The following PTPRK variants were observed in gnomAD, a reference collection of about 807,000 sequenced individuals.
PTPRK encodes receptor-type tyrosine-protein phosphatase kappa.
In PTPRK, 75 loss-of-function variants were observed where a neutral mutation model predicts 178.0. That is an observed-to-expected ratio of 0.42 (90% CI 0.35 to 0.51). The LOEUF (loss-of-function observed/expected upper bound fraction) is 0.51. PTPRK is among the 20% of genes least tolerant of loss of function. The pLI, the probability that PTPRK is intolerant of heterozygous loss-of-function variation, is 0.02. For synonymous variants in PTPRK, 637 were observed against 620.6 expected, an observed-to-expected ratio of 1.03 and a Z score of -0.39; for missense variants, 1,441 against 1,797.8, an observed-to-expected ratio of 0.80 and a Z score of 3.59.
intron 3 of PTPRK, among the ~76,000 whole-genome samples, chr6:128,273,621 C>T (rs1171707971): frequency 6.6e-6 from 1 of 152,142 alleles, no homozygotes; most frequent in African/African-American, 2.4e-5. Flanking sequence ...GCTACAATCA[C>T]CTCAAGATTG....
chr6:128,194,843 T>G (rs1804576411), intron 6 of PTPRK, among the ~76,000 whole-genome samples: 1 of 152,208 alleles, frequency 6.6e-6, no homozygotes, highest in Admixed American at 6.5e-5. Context: ...CTGGCTATTA[T>G]TCCATTCTAG....
At chr6:128,450,853 C>A (rs888177393) in intron 1 of PTPRK, among the ~76,000 whole-genome samples, 1 of 152,126 alleles carries the variant, frequency 6.6e-6, no homozygotes, top group African/African-American at 2.4e-5. Flanking sequence ...ATTTCTGTTG[C>A]ATATCAAAAT....
chr6:128,132,782 G>A (rs1273683905), intron 7 of PTPRK, among the ~76,000 whole-genome samples: 1 of 152,096 alleles, frequency 6.6e-6, no homozygotes, highest in Non-Finnish European at 1.5e-5. Context: ...TAGATAAAAC[G>A]GCAAAAACTA....
intron 1 of PTPRK, among the ~76,000 whole-genome samples, chr6:128,464,636 C>CATATATATATATATATAT (rs1332123195): frequency 2.5e-5 from 1 of 40,740 alleles, no homozygotes; most frequent in Non-Finnish European, 5.6e-5. Flanking sequence ...TATATATATA[C>CATATATATATATATATAT]ACATATATAT....
At chr6:128,174,343 A>T (rs1040602905) in intron 7 of PTPRK, among the ~76,000 whole-genome samples, 2 of 151,980 alleles carry the variant, frequency 1.3e-5, no homozygotes, top group Non-Finnish European at 2.9e-5. Context: ...CCTCATTTGT[A>T]GCACTTAAAA....
intron 2 of PTPRK, among the ~76,000 whole-genome samples, chr6:128,340,079 G>C (rs1435333068): frequency 1.3e-5 from 2 of 152,172 alleles, no homozygotes; most frequent in African/African-American, 4.8e-5. Context: ...TAAGCAAAAA[G>C]AAGACGCAGA....
At chr6:128,166,981 G>A (rs776399744) in intron 7 of PTPRK, among the ~76,000 whole-genome samples, 9 of 151,408 alleles carry the variant, frequency 5.9e-5, no homozygotes, top group Non-Finnish European at 1.3e-4. Flanking sequence ...ATATCATCTG[G>A]AAAGTACTAG....
chr6:128,098,240 C>A (rs1355597447), intron 7 of PTPRK, among the ~76,000 whole-genome samples: 1 of 151,978 alleles, frequency 6.6e-6, no homozygotes, highest in Non-Finnish European at 1.5e-5. Flanking sequence ...TCCAATTATT[C>A]ATTTCTTCTT....
chr6:128,304,861 T>C (rs1191512709), intron 3 of PTPRK, among the ~76,000 whole-genome samples: 1 of 152,298 alleles, frequency 6.6e-6, no homozygotes, highest in African/African-American at 2.4e-5. Flanking sequence ...AAACTATTTT[T>C]TTAATAAAAC....
chr6:128,281,355 T>C (rs541856153), intron 3 of PTPRK, among the ~76,000 whole-genome samples: 1 of 152,332 alleles, frequency 6.6e-6, no homozygotes, highest in East Asian at 1.9e-4. Flanking sequence ...ATCTGTATCT[T>C]ACGCATATTT....
rs542808408 is a variant in PTPRK, at chr6:128,304,856, AT to A, written c.495+17182del. Among the ~76,000 whole-genome samples, 455 of 152,288 alleles carry A rather than the reference AT, an allele frequency of 3.0e-3. 2 individuals are homozygous for A. Among genetic ancestry groups the A allele is most frequent in the Middle Eastern group, 0.014 (4 of 294 alleles). On this transcript the variant is annotated intron_variant, in intron 3 of 29. Transcript: ENST00000368226. ...AGAAGAGAGAAGAAGACAAGAAACT[AT>A]TTTTTTAATAAAACAAAACTTGTGA...
chr6:128,329,382 A>AACACACAC (rs149088868), intron 2 of PTPRK, among the ~76,000 whole-genome samples: 2,400 of 145,706 alleles, frequency 0.016, 64 homozygotes, highest in African/African-American at 0.057. Context: ...TATATAGATA[A>AACACACAC]ACACACACAC....
chr6:128,432,046 G>A (rs962595246), intron 1 of PTPRK, among the ~76,000 whole-genome samples: 1 of 151,530 alleles, frequency 6.6e-6, no homozygotes. Flanking sequence ...AAAAAGCACG[G>A]TTGAAAATAC....
chr6:128,442,325 T>A (rs9491948), intron 1 of PTPRK, among the ~76,000 whole-genome samples: 2 of 152,128 alleles, frequency 1.3e-5, no homozygotes, highest in African/African-American at 4.8e-5. Context: ...CATCATTTTA[T>A]CTCTGTCCAC....
rs1172450853 is a variant in PTPRK at position 128,520,424 on chromosome 6, A to T, written c.-66T>A. On this transcript the variant is annotated 5_prime_UTR_variant, in exon 1 of 30. Transcript: ENST00000368226. ...TGCCGGGGGGATCGCCGCGAAATCC[A>T]CGACGGAGGAGCGGGCCGGGCCTCG... is the stretch of plus-strand genomic sequence containing the variant. 4.1e-6 allele frequency: 6 copies of T among 1,479,620 alleles called. No homozygotes were observed. The highest frequency in any genetic ancestry group is 4.6e-6 in the Non-Finnish European group (5 of 1,081,870). The allele number at this position is 1,479,620 out of a possible 1,614,324, so 91.7% of individuals were successfully genotyped here.
At position 128,067,756 on chromosome 6, in the gene PTPRK, G is replaced by C. The variant is rs775635931; in HGVS notation, c.1920C>G (p.His640Gln). The C allele has an allele frequency of 8.7e-6, 14 of 1,611,372 alleles. No individual in the cohort carries two copies. The East Asian group carries it at 2.9e-4, about 33-fold the overall frequency. Residue 640 changes from histidine to glutamine, a missense_variant, in exon 12 of 30, where the codon CAC (histidine) becomes CAG (glutamine). Physicochemically the swap from His to Gln is conservative, Grantham distance 24. Around this residue, in one of 4 missense-constraint regions of PTPRK, gnomAD observed 945 missense variants for 1,080.6 expected, o/e 0.87. Transcript: ENST00000368226. ...TGGCTCCGGCTTCTCTCTTGGTTCG[G>C]TGTGGGTGCAGTTCTTCCACAACAA... ...YQIVVEELHP[H>Q]RTKREAGAME... is the part of the protein sequence containing the mutation.
chr6:128,126,730 G>C (rs954148561), intron 7 of PTPRK, among the ~76,000 whole-genome samples: 1 of 152,100 alleles, frequency 6.6e-6, no homozygotes, highest in Non-Finnish European at 1.5e-5. Context: ...CTCAAGCAAC[G>C]CTCCCATCTT....
At chr6:128,345,211 T>C (rs1462956526) in intron 2 of PTPRK, among the ~76,000 whole-genome samples, 1 of 151,812 alleles carries the variant, frequency 6.6e-6, no homozygotes, top group Non-Finnish European at 1.5e-5. Flanking sequence ...TCTGAGGGAG[T>C]CTTCAGTGAA....
chr6:128,445,962 C>T (rs1212058103), intron 1 of PTPRK, among the ~76,000 whole-genome samples: 1 of 152,018 alleles, frequency 6.6e-6, no homozygotes, highest in African/African-American at 2.4e-5. Flanking sequence ...TAGGTTAAGA[C>T]TGGGCCAGTT....
Sources: gnomAD v4.1 joint callset for allele counts (sites outside exome capture counted in the v4.1 genomes callset) on GRCh38, gnomAD v4.1.1 for gene constraint, gnomAD v4.1.1 regional missense constraint, MANE v1.5 for transcripts, NCBI Gene and HGNC (gene_info 2026-07-23, HGNC 2026-07-21) for gene names.